The following OPCML variants were observed in gnomAD, a reference collection of about 807,000 sequenced individuals.
OPCML encodes the protein opioid-binding protein/cell adhesion molecule.
In OPCML, 13 loss-of-function variants were observed where a neutral mutation model predicts 37.8. The ratio of observed to expected loss-of-function variants is 0.34; its 90% CI spans 0.22 to 0.55. The LOEUF (loss-of-function observed/expected upper bound fraction) is 0.55, where lower values mean the gene tolerates loss of function less well. Among genes scored for constraint, OPCML ranks in the 20% least tolerant of loss-of-function variants. The pLI, the probability that OPCML is intolerant of heterozygous loss-of-function variation, is 0.91. For missense variants in OPCML, 341 were observed against 435.6 expected, an observed-to-expected ratio of 0.78 and a Z score of 1.93; for synonymous variants, 176 against 168.8, an observed-to-expected ratio of 1.04 and a Z score of -0.33.
chr11:132,837,763 C>T (rs2136294516), intron 2 of OPCML, among the ~76,000 whole-genome samples: 1 of 152,296 alleles, frequency 6.6e-6, no homozygotes, highest in Middle Eastern at 3.4e-3. Flanking sequence ...ATGAGGCAGA[C>T]TGGATGGACA....
chr11:132,487,792 GCACATCACT>G (rs569590002), intron 4 of OPCML, among the ~76,000 whole-genome samples: 23 of 152,298 alleles, frequency 1.5e-4, no homozygotes, highest in Non-Finnish European at 2.9e-4. Context: ...GTGGGCCTAT[GCACATCACT>G]CACGATTGGC....
intron 1 of OPCML, among the ~76,000 whole-genome samples, chr11:132,984,658 C>T (rs1946652313): frequency 6.6e-6 from 1 of 152,194 alleles, no homozygotes; most frequent in Non-Finnish European, 1.5e-5. Flanking sequence ...CTCCCAACCT[C>T]ACACCAGCAT....
intron 1 of OPCML, among the ~76,000 whole-genome samples, chr11:132,973,431 T>C (rs1320958408): frequency 6.6e-6 from 1 of 152,194 alleles, no homozygotes; most frequent in African/African-American, 2.4e-5. Flanking sequence ...TTTAACTCAA[T>C]TCAAAAGGTT....
Position 133,191,149 on chromosome 11 carries a change from T to C in OPCML, c.62-248139A>G, listed in dbSNP as rs545059410. On this transcript the variant is annotated intron_variant, in intron 1 of 7. Transcript: ENST00000524381. ...TCTACATCCTCATGAATACTGGCTA[T>C]TATCTGTCTTTTTTATTATGGCGAA... Among the ~76,000 whole-genome samples, 9 of 152,288 alleles carry C rather than the reference T, an allele frequency of 5.9e-5. No homozygotes were observed. The South Asian group carries it at 1.7e-3, about 28-fold the overall frequency.
intron 1 of OPCML, among the ~76,000 whole-genome samples, chr11:133,510,822 C>T (rs75571768): frequency 0.065 from 9,877 of 152,074 alleles, 1,092 homozygotes; most frequent in African/African-American, 0.22. Flanking sequence ...TCCCTTTCTG[C>T]ATTCCTCTTC....
chr11:132,528,238 A>G (rs2512705), intron 4 of OPCML, among the ~76,000 whole-genome samples: 60,662 of 148,770 alleles, frequency 0.41, 14,673 homozygotes, highest in Non-Finnish European at 0.55. Flanking sequence ...TTTCTTGTAG[A>G]TCAATATTAT....
At chr11:132,480,016 G>A (rs950908650) in intron 4 of OPCML, among the ~76,000 whole-genome samples, 39 of 152,294 alleles carry the variant, frequency 2.6e-4, no homozygotes, top group Admixed American at 9.1e-4. Context: ...AAAGCTGGAC[G>A]GAGAATGACT....
At chr11:133,207,453 A>G (rs548989007) in intron 1 of OPCML, among the ~76,000 whole-genome samples, 2 of 152,310 alleles carry the variant, frequency 1.3e-5, no homozygotes, top group East Asian at 3.9e-4. Flanking sequence ...GATAATGATG[A>G]TCCAGTTTAA....
intron 1 of OPCML, among the ~76,000 whole-genome samples, chr11:132,968,549 A>G (rs964414216): frequency 1.3e-5 from 2 of 152,166 alleles, no homozygotes; most frequent in South Asian, 4.1e-4. Context: ...CCATTAATCC[A>G]TGAAGCCATG....
intron 1 of OPCML, among the ~76,000 whole-genome samples, chr11:133,338,472 C>G (rs1374867849): frequency 1.3e-5 from 2 of 152,160 alleles, no homozygotes; most frequent in African/African-American, 4.8e-5. Flanking sequence ...CTGCCTTGTT[C>G]CTGAGCTTTA....
At chr11:132,853,376 A>G (rs974830486) in intron 2 of OPCML, among the ~76,000 whole-genome samples, 31 of 152,276 alleles carry the variant, frequency 2.0e-4, no homozygotes, top group African/African-American at 7.5e-4. Flanking sequence ...GTAAATCAAT[A>G]TTTTCCAAGT....
At chr11:132,978,701 C>A (rs916384908) in intron 1 of OPCML, among the ~76,000 whole-genome samples, 1 of 152,076 alleles carries the variant, frequency 6.6e-6, no homozygotes, top group Non-Finnish European at 1.5e-5. Context: ...TCTCCATGTT[C>A]CCCCTTGGAG....
At chr11:133,142,491 G>T (rs1257349483) in intron 1 of OPCML, among the ~76,000 whole-genome samples, 1 of 152,080 alleles carries the variant, frequency 6.6e-6, no homozygotes, top group African/African-American at 2.4e-5. Flanking sequence ...GATCTATTTT[G>T]CACTTTTATC....
At chr11:132,538,566 G>T (rs1197389334) in intron 3 of OPCML, among the ~76,000 whole-genome samples, 1 of 152,152 alleles carries the variant, frequency 6.6e-6, no homozygotes, top group Non-Finnish European at 1.5e-5. Flanking sequence ...TACGTGAATT[G>T]TATCTGCATA....
chr11:133,421,839 T>C, intron 1 of OPCML: 1 of 883,014 alleles, frequency 1.1e-6, no homozygotes, highest in Non-Finnish European at 1.4e-6. Flanking sequence ...AAACAAGCCA[T>C]CCCTACTGTA....
chr11:132,536,713 T>C (rs1309921115), intron 3 of OPCML, among the ~76,000 whole-genome samples: 1 of 152,228 alleles, frequency 6.6e-6, no homozygotes, highest in South Asian at 2.1e-4. Flanking sequence ...TTAATAGAAA[T>C]GTTTATTTCT....
At chr11:133,417,463 T>TTTTATTTATTTATTTA (rs143828312) in intron 1 of OPCML, among the ~76,000 whole-genome samples, 1,751 of 151,480 alleles carry the variant, frequency 0.012, 26 homozygotes, top group East Asian at 0.055. Context: ...ACCTGGATTC[T>TTTTATTTATTTATTTA]TTTATTTATT....
chr11:133,382,254 C>A (rs750607157), intron 1 of OPCML, among the ~76,000 whole-genome samples: 2 of 152,186 alleles, frequency 1.3e-5, no homozygotes, highest in Admixed American at 1.3e-4. Flanking sequence ...TGTGTGGATG[C>A]CGTGCATTTA....
chr11:132,495,247 A>G (rs1382001002), intron 4 of OPCML, among the ~76,000 whole-genome samples: 1 of 152,212 alleles, frequency 6.6e-6, no homozygotes, highest in African/African-American at 2.4e-5. Context: ...CAATTGAATA[A>G]GAGTGACAAG....
Sources: allele counts gnomAD v4.1 joint callset (sites outside exome capture counted in the v4.1 genomes callset), GRCh38; gene constraint gnomAD v4.1.1; transcripts MANE v1.5; gene names NCBI Gene and HGNC (gene_info 2026-07-23, HGNC 2026-07-21).